Variants in CEP128 observed in about 807,000 individuals in gnomAD.
The protein encoded by CEP128 is centrosomal protein 128kDa.
In CEP128, 132 loss-of-function variants were observed where a neutral mutation model predicts 156.7. The ratio of observed to expected loss-of-function variants is 0.84; its 90% CI spans 0.73 to 0.97. The LOEUF (loss-of-function observed/expected upper bound fraction) is 0.97, where lower values mean the gene tolerates loss of function less well. Among genes scored for constraint, CEP128 ranks in the 50% least tolerant of loss-of-function variants. CEP128 has a pLI of 0.00. For synonymous variants in CEP128, 469 were observed against 448.9 expected, an observed-to-expected ratio of 1.04 and a Z score of -0.57; for missense variants, 1,252 against 1,281.9, an observed-to-expected ratio of 0.98 and a Z score of 0.36.
At chr14:80,953,721 G>A (rs904868767) in intron 2 of CEP128, among the ~76,000 whole-genome samples, 1 of 152,076 alleles carries the variant, frequency 6.6e-6, no homozygotes, top group African/African-American at 2.4e-5. Flanking sequence ...CCATCACCAC[G>A]AACAAGATTT....
chr14:80,514,603 C>T, intron 23 of CEP128: 1 of 300,516 alleles, frequency 3.3e-6, no homozygotes, highest in Non-Finnish European at 6.8e-6. Flanking sequence ...TTAAGTTTAT[C>T]TAATAGGATT....
rs536437041 is a variant in CEP128 at position 80,825,970 on chromosome 14, G to C, written c.1209+5173C>G. Among the ~76,000 whole-genome samples, 9 of 152,102 alleles carry C rather than the reference G, an allele frequency of 5.9e-5. No individual in the cohort carries two copies. In the South Asian group the frequency reaches 1.9e-3, roughly 32 times the overall value. ...AAAATACAAAAATTAGCCAGGCCTG[G>C]TGGCACACGCCTGTAATCCCAGCTA... On this transcript the variant is annotated intron_variant, in intron 13 of 24. Coordinates refer to ENST00000555265, the MANE Select transcript of CEP128 (RefSeq NM_152446.5).
intron 19 of CEP128, among the ~76,000 whole-genome samples, chr14:80,663,860 A>G (rs1895501244): frequency 6.6e-6 from 1 of 152,224 alleles, no homozygotes. Context: ...TGGTACCCCA[A>G]TGCCTGGCAT....
rs1424173127 is a variant in CEP128 at position 80,526,907 on chromosome 14, G to A, written c.3034C>T (p.His1012Tyr). ...YRVRRNSLQHHQDDTKYRTKS... is the reference protein window; with the variant it reads ...YRVRRNSLQHYQDDTKYRTKS... The stretch of plus-strand genomic sequence containing the variant: ...GTTCTGTACTTGGTGTCATCTTGGT[G>A]ATGCTGAAGAGAATTTCTGCGAACC... Residue 1012 changes from histidine (H) to tyrosine (Y), a missense_variant, in exon 23 of 25, where the codon CAC becomes TAC. His to Tyr is a moderately conservative substitution (Grantham distance 83, BLOSUM62 2). Transcript: ENST00000555265. 2.5e-6 allele frequency: 4 copies of A among 1,610,500 alleles called. No individual in the cohort carries two copies. The highest frequency in any genetic ancestry group is 3.4e-6 in the Non-Finnish European group (4 of 1,177,810).
downstream of CEP128, among the ~76,000 whole-genome samples, chr14:80,486,576 C>T (rs1224289715): frequency 6.6e-6 from 1 of 151,954 alleles, no homozygotes; most frequent in Non-Finnish European, 1.5e-5. Flanking sequence ...GTCAGATTCA[C>T]CAAAGTTGAA....
intron 19 of CEP128, among the ~76,000 whole-genome samples, chr14:80,667,354 C>A (rs1408813797): frequency 6.6e-6 from 1 of 152,066 alleles, no homozygotes; most frequent in Non-Finnish European, 1.5e-5. Flanking sequence ...CAAATAAATT[C>A]TCCAAAGAAA....
At chr14:80,686,864 A>G (rs1404709712) in intron 19 of CEP128, among the ~76,000 whole-genome samples, 1 of 152,184 alleles carries the variant, frequency 6.6e-6, no homozygotes, top group Non-Finnish European at 1.5e-5. Context: ...ATAATGGTAA[A>G]GGGTTCAATT....
intron 8 of CEP128, among the ~76,000 whole-genome samples, chr14:80,890,567 G>A (rs1889046434): frequency 6.6e-6 from 1 of 152,064 alleles, no homozygotes; most frequent in Non-Finnish European, 1.5e-5. Flanking sequence ...ATAAGTAGGA[G>A]CTGAACAATG....
intron 9 of CEP128, among the ~76,000 whole-genome samples, chr14:80,858,856 C>A (rs1887354325): frequency 6.6e-6 from 1 of 152,168 alleles, no homozygotes; most frequent in African/African-American, 2.4e-5. Flanking sequence ...GATATCATCT[C>A]ACACCAGTTA....
chr14:80,668,286 G>A (rs1255365741), intron 19 of CEP128, among the ~76,000 whole-genome samples: 3 of 151,966 alleles, frequency 2.0e-5, no homozygotes, highest in Non-Finnish European at 4.4e-5. Flanking sequence ...CTCTCTGAAA[G>A]AAGAAAGAAA....
chr14:80,952,494 C>T (rs1886488191), intron 2 of CEP128, among the ~76,000 whole-genome samples: 1 of 152,036 alleles, frequency 6.6e-6, no homozygotes, highest in Non-Finnish European at 1.5e-5. Context: ...TGTGGGATGT[C>T]TCTAAAGTAG....
intron 8 of CEP128, among the ~76,000 whole-genome samples, chr14:80,870,704 A>G (rs1423927470): frequency 6.6e-6 from 1 of 152,032 alleles, no homozygotes; most frequent in Admixed American, 6.6e-5. Context: ...GATGCCCAGT[A>G]TGAACACTTC....
chr14:80,680,579 T>C (rs1896280328), intron 19 of CEP128, among the ~76,000 whole-genome samples: 1 of 152,092 alleles, frequency 6.6e-6, no homozygotes, highest in South Asian at 2.1e-4. Context: ...TCACCAGGAT[T>C]AGCAGCTTGA....
chr14:80,507,523 A>G (rs977027699), intron 23 of CEP128, among the ~76,000 whole-genome samples: 2 of 152,324 alleles, frequency 1.3e-5, no homozygotes, highest in East Asian at 3.9e-4. Flanking sequence ...TATGATTTCA[A>G]CCAATGCTAG....
At chr14:80,955,290 A>C in intron 2 of CEP128, 1 of 359,340 alleles carries the variant, frequency 2.8e-6, no homozygotes, top group Non-Finnish European at 5.1e-6. Flanking sequence ...TTTAAAGAGG[A>C]GGAAAGGAGG....
chr14:80,956,353 A>G (rs1374460447), intron 2 of CEP128, among the ~76,000 whole-genome samples: 1 of 152,186 alleles, frequency 6.6e-6, no homozygotes, highest in Non-Finnish European at 1.5e-5. Flanking sequence ...TTTAAAATGA[A>G]CTGTCTATAC....
chr14:80,704,974 C>T (rs1405057099), intron 19 of CEP128, among the ~76,000 whole-genome samples: 2 of 151,982 alleles, frequency 1.3e-5, no homozygotes, highest in African/African-American at 4.8e-5. Context: ...ACTTAACCAC[C>T]CCATTCCAAT....
chr14:80,829,496 G>A (rs910673984), intron 13 of CEP128, among the ~76,000 whole-genome samples: 7 of 152,156 alleles, frequency 4.6e-5, no homozygotes, highest in Admixed American at 2.6e-4. Context: ...CTGCAGCCTT[G>A]AACTCCTGGC....
intron 21 of CEP128, among the ~76,000 whole-genome samples, chr14:80,531,493 T>G (rs956345725): frequency 6.6e-6 from 1 of 152,230 alleles, no homozygotes; most frequent in African/African-American, 2.4e-5. Context: ...TACACCCACC[T>G]GTGAACATTA....
Sources: allele counts gnomAD v4.1 joint callset (sites outside exome capture counted in the v4.1 genomes callset), GRCh38; gene constraint gnomAD v4.1.1; transcripts MANE v1.5; gene names NCBI Gene and HGNC (gene_info 2026-07-23, HGNC 2026-07-21).